Variants in MEGF11 observed in about 807,000 individuals in gnomAD.
MEGF11 encodes multiple EGF like domains 11, also known as multiple epidermal growth factor-like domains protein 11.
A neutral mutation model predicts 146.6 loss-of-function variants in MEGF11; 126 were observed. The ratio of observed to expected loss-of-function variants is 0.86; its 90% CI spans 0.74 to 1.00. The LOEUF is 1.00. Ranked by LOEUF, MEGF11 falls within the 50% of genes least tolerant of loss-of-function variation. The pLI is 0.00. For synonymous variants in MEGF11, 532 were observed against 583.4 expected, an observed-to-expected ratio of 0.91 and a Z score of 1.27; for missense variants, 1,509 against 1,521.2, an observed-to-expected ratio of 0.99 and a Z score of 0.13.
At chr15:66,245,470 A>AG (rs1001962356) in intron 1 of MEGF11, among the ~76,000 whole-genome samples, 4 of 32,624 alleles carry the variant, frequency 1.2e-4, no homozygotes, top group Admixed American at 4.3e-4. Context: ...CTGTAAAAAA[A>AG]GAAAAAAAAA....
chr15:66,253,355 T>G (rs1015963850), intron 1 of MEGF11, among the ~76,000 whole-genome samples: 1 of 152,112 alleles, frequency 6.6e-6, no homozygotes, highest in African/African-American at 2.4e-5. Context: ...GCTGCCCACA[T>G]TGAGGCGCCC....
At chr15:66,156,097 A>C (rs1230850039) in intron 1 of MEGF11, among the ~76,000 whole-genome samples, 1 of 152,078 alleles carries the variant, frequency 6.6e-6, no homozygotes, top group Non-Finnish European at 1.5e-5. Context: ...GACACATCTG[A>C]TCCCCTCAGC....
At chr15:66,023,140 C>CAAAAAAAAAAAAAA (rs375962533) in intron 5 of MEGF11, among the ~76,000 whole-genome samples, 116 of 123,670 alleles carry the variant, frequency 9.4e-4, no homozygotes, top group Non-Finnish European at 1.2e-3. Flanking sequence ...GACTCCATCT[C>CAAAAAAAAAAAAAA]AAAAAAAAAA....
Position 66,054,019 on chromosome 15 carries a change from G to T in MEGF11, c.394+40383C>A, listed in dbSNP as rs28648737. 9.6e-3 allele frequency among the ~76,000 whole-genome samples: 1,454 copies of T among 151,922 alleles called. 22 individuals are homozygous for T. The highest frequency in any genetic ancestry group is 0.033 in the African/African-American group (1,357 of 41,428). On this transcript the variant is annotated intron_variant, in intron 5 of 25. Coordinates refer to ENST00000395614, the MANE Select transcript of MEGF11 (RefSeq NM_001385028.1). ...ATTATAGATTTGAGCCACCATGCCCGGCCTCCCTGACCCCTTTGATCTCCA... is the reference window on the plus strand; with the variant it reads ...ATTATAGATTTGAGCCACCATGCCCTGCCTCCCTGACCCCTTTGATCTCCA...
intron 1 of MEGF11, among the ~76,000 whole-genome samples, chr15:66,137,626 C>T (rs1234880029): frequency 6.6e-6 from 1 of 150,680 alleles, no homozygotes; most frequent in Non-Finnish European, 1.5e-5. Context: ...GGTCACAGCT[C>T]ACTGCAGCTT....
chr15:66,133,913 C>T (rs761939086), intron 1 of MEGF11, among the ~76,000 whole-genome samples: 6 of 152,056 alleles, frequency 3.9e-5, no homozygotes, highest in African/African-American at 9.7e-5. Flanking sequence ...GCCTGGCCCC[C>T]GGGATAAATC....
intron 1 of MEGF11, among the ~76,000 whole-genome samples, chr15:66,191,178 T>A (rs1467000895): frequency 6.6e-6 from 1 of 152,080 alleles, no homozygotes; most frequent in Admixed American, 6.5e-5. Context: ...CCAAAAGAAA[T>A]AAACAGCAAA....
intron 4 of MEGF11, among the ~76,000 whole-genome samples, chr15:66,101,993 T>C (rs183784946): frequency 2.0e-5 from 3 of 152,236 alleles, no homozygotes; most frequent in Admixed American, 6.5e-5. Flanking sequence ...CTGCCTCACC[T>C]CAACATGGCT....
At chr15:66,098,208 G>A (rs1309660140) in intron 4 of MEGF11, among the ~76,000 whole-genome samples, 1 of 152,126 alleles carries the variant, frequency 6.6e-6, no homozygotes, top group Admixed American at 6.5e-5. Flanking sequence ...CCAGGACAGC[G>A]ATCTTGGCAC....
chr15:66,121,990 C>T (rs915647771), intron 3 of MEGF11, among the ~76,000 whole-genome samples: 7 of 152,126 alleles, frequency 4.6e-5, no homozygotes, highest in African/African-American at 7.2e-5. Context: ...ACTGGCCAGG[C>T]GTGGTGGCTC....
chr15:66,229,700 G>A (rs971649555), intron 1 of MEGF11, among the ~76,000 whole-genome samples: 1 of 151,996 alleles, frequency 6.6e-6, no homozygotes, highest in Non-Finnish European at 1.5e-5. Flanking sequence ...GGAATGGCAA[G>A]GCTCCCACAG....
chr15:66,118,040 C>T (rs1012077015), intron 4 of MEGF11, among the ~76,000 whole-genome samples: 5 of 152,202 alleles, frequency 3.3e-5, no homozygotes, highest in African/African-American at 1.2e-4. Context: ...TGCGAACTCT[C>T]TCTACCCACT....
At chr15:65,933,105 G>T (rs868010757) in intron 10 of MEGF11, among the ~76,000 whole-genome samples, 1 of 152,150 alleles carries the variant, frequency 6.6e-6, no homozygotes, top group African/African-American at 2.4e-5. Flanking sequence ...GCCCTTTTCT[G>T]CTTCTGTCTC....
intron 1 of MEGF11, among the ~76,000 whole-genome samples, chr15:66,232,487 C>T (rs2091988466): frequency 6.6e-6 from 1 of 152,170 alleles, no homozygotes; most frequent in Non-Finnish European, 1.5e-5. Flanking sequence ...CTCTTTGCCC[C>T]TGGCCTGTTG....
chr15:66,141,573 A>T (rs904473740), intron 1 of MEGF11, among the ~76,000 whole-genome samples: 1 of 151,884 alleles, frequency 6.6e-6, no homozygotes, highest in African/African-American at 2.4e-5. Flanking sequence ...ATTAATGGAC[A>T]ATTTTCTCAG....
chr15:65,981,912 G>A (rs891862190), intron 6 of MEGF11, among the ~76,000 whole-genome samples: 1 of 152,164 alleles, frequency 6.6e-6, no homozygotes, highest in Non-Finnish European at 1.5e-5. Flanking sequence ...CTGCCAGGAA[G>A]GGCCTCCTGG....
intron 10 of MEGF11, among the ~76,000 whole-genome samples, chr15:65,948,034 C>T (rs914715772): frequency 3.3e-5 from 5 of 152,180 alleles, no homozygotes; most frequent in African/African-American, 1.2e-4. Context: ...ATCTTAGTGA[C>T]ATAAAACCAA....
intron 5 of MEGF11, among the ~76,000 whole-genome samples, chr15:66,005,307 A>G (rs142554448): frequency 6.6e-6 from 1 of 152,326 alleles, no homozygotes; most frequent in East Asian, 1.9e-4. Context: ...AGGTTCAGTC[A>G]CTGATAGCCT....
At chr15:66,060,929 C>T (rs1305928258) in intron 5 of MEGF11, among the ~76,000 whole-genome samples, 1 of 152,242 alleles carries the variant, frequency 6.6e-6, no homozygotes, top group Non-Finnish European at 1.5e-5. Flanking sequence ...TGGGCAAACC[C>T]ACCTGCTGTG....
Sources: gnomAD v4.1 joint callset for allele counts (sites outside exome capture counted in the v4.1 genomes callset) on GRCh38, gnomAD v4.1.1 for gene constraint, MANE v1.5 for transcripts, NCBI Gene and HGNC (gene_info 2026-07-23, HGNC 2026-07-21) for gene names.